The following GIT2 variants were observed in gnomAD, a reference collection of about 807,000 sequenced individuals.
GIT2 encodes ARF GTPase-activating protein GIT2.
Under a neutral mutation model 100.3 loss-of-function variants are expected in GIT2, and 32 were observed. That is an observed-to-expected ratio of 0.32 (90% CI 0.24 to 0.43). The LOEUF (loss-of-function observed/expected upper bound fraction) is 0.43, where lower values mean the gene tolerates loss of function less well. Ranked by LOEUF, GIT2 falls within the 20% of genes least tolerant of loss-of-function variation. The pLI is 1.00. For missense variants in GIT2, 737 were observed against 975.1 expected (o/e 0.76, Z 3.25); for synonymous variants, 353 against 364.1 (o/e 0.97, Z 0.35).
rs1486197046 is a variant in GIT2 at position 109,931,362 on chromosome 12, TCA to T, written c.*1614_*1615del. The T allele has an allele frequency of 6.6e-6, 1 of 152,212 alleles. No homozygotes were observed. The highest frequency in any genetic ancestry group is 1.9e-4 in the East Asian group (1 of 5,192). 9.4% of individuals were successfully genotyped at this position (152,212 alleles called of 1,614,324 possible). A position where few individuals can be genotyped will look rare whatever the true frequency, so the allele number is the denominator to read the frequency against. On this transcript the variant is annotated 3_prime_UTR_variant, in exon 20 of 20. Coordinates refer to ENST00000355312, the MANE Select transcript of GIT2 (RefSeq NM_057169.5). ...AGGTGTGTCCGGGGAAGCCAGGCCCTCACACTGCACAGCTTACAGGGCCCTGG... is the reference window on the plus strand; with the variant it reads ...AGGTGTGTCCGGGGAAGCCAGGCCCTCACTGCACAGCTTACAGGGCCCTGG...
intron 15 of GIT2, among the ~76,000 whole-genome samples, chr12:109,946,956 C>A (rs1001932346): frequency 6.6e-6 from 1 of 152,006 alleles, no homozygotes; most frequent in African/African-American, 2.4e-5. Flanking sequence ...GGAAGCTTTA[C>A]CAAAAAAAGT....
Position 109,991,714 on chromosome 12 carries a change from C to G in GIT2, c.99G>C (p.Glu33Asp). The change falls in exon 2 of 20, where the codon GAG becomes GAC. Residue 33 changes from glutamate to aspartate, a missense_variant. Glu to Asp is a conservative substitution (Grantham distance 45, BLOSUM62 2). Transcript: ENST00000355312. ...CTAGACTCCGATGGACACTGCAGCACTCATCACATAAAAACGTTCCCCTAT... is the reference window on the plus strand; with the variant it reads ...CTAGACTCCGATGGACACTGCAGCAGTCATCACATAAAAACGTTCCCCTAT... ...SVNRGTFLCD[E>D]CCSVHRSLGR... 6.2e-7 allele frequency: 1 copy of G among 1,612,798 alleles called. No homozygotes were observed. Among genetic ancestry groups the G allele is most frequent in the Non-Finnish European group, 8.5e-7 (1 of 1,178,790 alleles).
chr12:109,948,754 T>C lies in GIT2; in HGVS notation c.1393-1250A>G. ...TAGCAAACCCATTCAATGTTAGGAGTTACTTTCAATTTTTATTTAGAAAGC... is the reference window on the plus strand; with the variant it reads ...TAGCAAACCCATTCAATGTTAGGAGCTACTTTCAATTTTTATTTAGAAAGC... On this transcript the variant is annotated intron_variant, in intron 14 of 19. Coordinates refer to ENST00000355312, the MANE Select transcript of GIT2 (RefSeq NM_057169.5). The surrounding 1 kb of genome is among the most constrained non-coding windows in gnomAD (Gnocchi z 4.3). 6.4e-7 allele frequency: 1 copy of C among 1,571,196 alleles called. No homozygotes were observed. Among genetic ancestry groups the C allele is most frequent in the Non-Finnish European group, 8.6e-7 (1 of 1,163,642 alleles).
At chr12:109,961,180 TAATC>T in intron 11 of GIT2, 94 bp downstream of exon 11, 1 of 705,318 alleles carries the variant, frequency 1.4e-6, no homozygotes, top group Non-Finnish European at 2.5e-6. Flanking sequence ...TATTAAATTT[TAATC>T]AATCAAAACA....
chr12:109,993,109 T>C (rs1888726450), intron 1 of GIT2, among the ~76,000 whole-genome samples: 1 of 152,148 alleles, frequency 6.6e-6, no homozygotes, highest in Non-Finnish European at 1.5e-5. Flanking sequence ...GTGTGTATAA[T>C]ACTTTTTTCC....
At chr12:109,986,621 C>T (rs948952441) in intron 4 of GIT2, among the ~76,000 whole-genome samples, 8 of 152,034 alleles carry the variant, frequency 5.3e-5, no homozygotes, top group Non-Finnish European at 8.8e-5. Flanking sequence ...AAAAATTAGC[C>T]GGGTGTGGTG....
intron 13 of GIT2, 89 bp downstream of exon 13, chr12:109,953,003 C>T: frequency 7.4e-7 from 1 of 1,358,506 alleles, no homozygotes; most frequent in Non-Finnish European, 1.0e-6. Context: ...GAGCTAGTAA[C>T]AAACCCAACC....
At position 109,967,490 on chromosome 12, in the gene GIT2, T is replaced by C; in HGVS notation, c.732A>G (p.Gly244=). The change falls in exon 8 of 20, where the codon GGA becomes GGG. Residue 244 remains glycine (G), a synonymous_variant. Coordinates refer to ENST00000355312, the MANE Select transcript of GIT2 (RefSeq NM_057169.5). ...LCGRKPDHKN[G]QHFIIPQMAD... is the part of the protein sequence containing the mutation. ...CCATTTGAGGTATTATAAAGTGCTG[T>C]CCATTTTTGTGATCTGAAACAGAAA... 1 of 1,604,250 alleles carries C rather than the reference T, an allele frequency of 6.2e-7. No homozygotes were observed. The highest frequency in any genetic ancestry group is 8.5e-7 in the Non-Finnish European group (1 of 1,171,098).
chr12:109,987,235 T>G (rs1349264889), intron 4 of GIT2, among the ~76,000 whole-genome samples: 1 of 150,212 alleles, frequency 6.7e-6, no homozygotes, highest in Non-Finnish European at 1.5e-5. Flanking sequence ...ACAAAAAAAA[T>G]TAGCCGGGTG....
Position 109,983,449 on chromosome 12 carries a change from C to G in GIT2, c.547G>C (p.Ala183Pro). The G allele has an allele frequency of 6.2e-7, 1 of 1,613,338 alleles. No homozygotes were observed. Among genetic ancestry groups the G allele is most frequent in the Non-Finnish European group, 8.5e-7 (1 of 1,179,322 alleles). ...GCTCCATATACTGCCAATAATTCAG[C>G]CTGTAAAATCTGCCCTGCTTTGGAG... The part of the protein sequence containing the change: ...VASKAGQILQ[A>P]ELLAVYGADP... The change falls in exon 6 of 20, where the codon GCT becomes CCT. Residue 183 changes from alanine to proline, a missense_variant. By Grantham distance (27) the Ala-to-Pro change is conservative. Around this residue, in one of 3 missense-constraint regions of GIT2, gnomAD observed 266 missense variants for 376.2 expected, o/e 0.71. Coordinates refer to ENST00000355312, the MANE Select transcript of GIT2 (RefSeq NM_057169.5).
chr12:109,995,441 T>C lies in GIT2; in HGVS notation c.52+732A>G, dbSNP rs73404606. On this transcript the variant is annotated intron_variant, in intron 1 of 19. Coordinates refer to ENST00000355312, the MANE Select transcript of GIT2 (RefSeq NM_057169.5). The stretch of plus-strand genomic sequence containing the variant: ...AAAAGAAAAGCCTTAGATGATATGA[T>C]TCTACGAGTATTCATTGAATCTTCC... 4.9e-3 allele frequency among the ~76,000 whole-genome samples: 742 copies of C among 152,342 alleles called. 5 individuals carry two copies. The highest frequency in any genetic ancestry group is 0.017 in the African/African-American group (710 of 41,578).
chr12:109,959,199 C>T (rs1425951054), intron 12 of GIT2, among the ~76,000 whole-genome samples: 1 of 151,862 alleles, frequency 6.6e-6, no homozygotes, highest in African/African-American at 2.4e-5. Context: ...TCCTGGGTAG[C>T]TGGGATTACA....
At chr12:109,981,791 T>G (rs189973685) in intron 6 of GIT2, 1 of 152,174 alleles carries the variant, frequency 6.6e-6, no homozygotes, top group Admixed American at 6.5e-5. Flanking sequence ...ATAATAAGTA[T>G]CATTTACCCA....
rs375775994 is a variant in GIT2 at position 109,953,069 on chromosome 12, CCATGGGACG to C, written c.1242+14_1242+22del. 8.9e-3 allele frequency: 14,402 copies of C among 1,612,284 alleles called. 76 individuals carry two copies. The highest frequency in any genetic ancestry group is 0.01 in the Non-Finnish European group (11,913 of 1,178,814). ...CCTCAGCTGATGCGTGCTTGCCCTTCCATGGGACGCATGGCCTCTCACCTTCTGCCGGTT... is the reference window on the plus strand; with the variant it reads ...CCTCAGCTGATGCGTGCTTGCCCTTCCATGGCCTCTCACCTTCTGCCGGTT... On this transcript the variant is annotated intron_variant, in intron 13 of 19. Coordinates refer to ENST00000355312, the MANE Select transcript of GIT2 (RefSeq NM_057169.5).
chr12:109,983,356 G>C lies in GIT2; in HGVS notation c.623+17C>G, dbSNP rs1886700461. 1 of 1,607,304 alleles carries C rather than the reference G, an allele frequency of 6.2e-7. No individual in the cohort carries two copies. The highest frequency in any genetic ancestry group is 8.5e-7 in the Non-Finnish European group (1 of 1,177,600). On this transcript the variant is annotated intron_variant, in intron 6 of 19. Transcript: ENST00000355312. ...AAAAAATCCCAGAGAGAAGTAGCGA[G>C]AATCTAGGTCTCTTACCTTGCATAA...
intron 7 of GIT2, among the ~76,000 whole-genome samples, chr12:109,970,242 C>G (rs1883515131): frequency 6.6e-6 from 1 of 152,012 alleles, no homozygotes; most frequent in African/African-American, 2.4e-5. Context: ...GCCTGTAATC[C>G]CAGCACTTTG....
upstream of GIT2, among the ~76,000 whole-genome samples, chr12:109,996,619 G>A (rs1304370261): frequency 3.3e-5 from 5 of 152,202 alleles, no homozygotes; most frequent in Non-Finnish European, 4.4e-5. Context: ...GGCAATCAAT[G>A]GTCAAGTTCA....
At chr12:109,938,199 TA>T (rs1478926574) in intron 18 of GIT2, among the ~76,000 whole-genome samples, 180 bp downstream of exon 18, 26 of 152,216 alleles carry the variant, frequency 1.7e-4, no homozygotes, top group African/African-American at 6.0e-4. Context: ...AAATACCATG[TA>T]AATCAAACAA....
chr12:109,995,962 G>A (rs1167113641), intron 1 of GIT2: 5 of 473,354 alleles, frequency 1.1e-5, no homozygotes, highest in African/African-American at 2.0e-5. Context: ...GGGAACGAGA[G>A]GGAAGGGAGG....
Sources: gnomAD v4.1 joint callset for allele counts (sites outside exome capture counted in the v4.1 genomes callset) on GRCh38, gnomAD v4.1.1 for gene constraint, gnomAD v4.1.1 regional missense constraint, Gnocchi (gnomAD v3.1) non-coding constraint, MANE v1.5 for transcripts, NCBI Gene and HGNC (gene_info 2026-07-23, HGNC 2026-07-21) for gene names.